The following ADARB1 variants were observed in gnomAD, a reference collection of about 807,000 sequenced individuals.
ADARB1 encodes double-stranded RNA-specific editase 1.
A neutral mutation model predicts 52.4 loss-of-function variants in ADARB1; 10 were observed. The ratio of observed to expected loss-of-function variants is 0.19; its 90% CI spans 0.12 to 0.32. ADARB1 has a LOEUF of 0.32. ADARB1 is among the 10% of genes least tolerant of loss of function. The probability of loss-of-function intolerance (pLI) is 1.00; values close to 1 mark genes in which losing one functional copy is unlikely to be tolerated. For synonymous variants in ADARB1, 349 were observed against 371.1 expected (o/e 0.94, Z 0.68); for missense variants, 643 against 922.3 (o/e 0.70, Z 3.92).
chr21:45,225,107 A>G lies in ADARB1; in HGVS notation c.*2910A>G. The G allele has an allele frequency of 1.0e-6, 1 of 995,234 alleles. No individual in the cohort carries two copies. The highest frequency in any genetic ancestry group is 1.2e-6 in the Non-Finnish European group (1 of 836,986). 61.7% of individuals were successfully genotyped at this position (995,234 alleles called of 1,614,324 possible). On this transcript the variant is annotated 3_prime_UTR_variant, in exon 11 of 11. Coordinates refer to ENST00000348831, the MANE Select transcript of ADARB1 (RefSeq NM_001112.4). The stretch of plus-strand genomic sequence containing the variant: ...TGTTTTGTTTTGTTAACTAAACCTG[A>G]AGTATTAATTCCACAAAGACACTGT...
intron 2 of ADARB1, among the ~76,000 whole-genome samples, chr21:45,166,190 ATTATAT>A (rs1226437776): frequency 6.6e-6 from 1 of 152,214 alleles, no homozygotes; most frequent in Non-Finnish European, 1.5e-5. Context: ...TGATAAGAAC[ATTATAT>A]TTATATATAT....
chr21:45,221,037 A>C lies in ADARB1; in HGVS notation c.1926+23A>C, dbSNP rs377208623. 6.3e-7 allele frequency: 1 copy of C among 1,586,032 alleles called. No individual in the cohort carries two copies. The highest frequency in any genetic ancestry group is 1.3e-5 in the African/African-American group (1 of 74,480). On this transcript the variant is annotated intron_variant, in intron 10 of 10. Transcript: ENST00000348831. The surrounding 1 kb of genome is among the most constrained non-coding windows in gnomAD (Gnocchi z 4.9). ...AAGGTACTGAGGCGCCCTCACCGCA[A>C]TGCGCCGGCTCCACCTCCCCAATAG...
In ADARB1 at chr21:45,223,160, A is replaced by C. The variant is rs2092995018; in HGVS notation, c.*963A>C. On this transcript the variant is annotated 3_prime_UTR_variant, in exon 11 of 11. Coordinates refer to ENST00000348831, the MANE Select transcript of ADARB1 (RefSeq NM_001112.4). ...TCGAATGGATGTGGGTGACCGCCCG[A>C]AGGCCTTCACAGGATGGAAGTAGAA... The C allele has an allele frequency of 1.0e-6, 1 of 985,406 alleles. No homozygotes were observed. Among genetic ancestry groups the C allele is most frequent in the Admixed American group, 6.1e-5 (1 of 16,274 alleles). 61.0% of individuals were successfully genotyped at this position (985,406 alleles called of 1,614,324 possible). A position where few individuals can be genotyped will look rare whatever the true frequency, so the allele number is the denominator to read the frequency against.
At chr21:45,096,135 G>C (rs549172418) in intron 1 of ADARB1, among the ~76,000 whole-genome samples, 1 of 152,332 alleles carries the variant, frequency 6.6e-6, no homozygotes, top group Admixed American at 6.5e-5. Context: ...GAGCATGGCT[G>C]GGGGCAAGCC....
intron 2 of ADARB1, among the ~76,000 whole-genome samples, chr21:45,151,629 CAG>C (rs1311151971): frequency 1.3e-5 from 2 of 152,204 alleles, no homozygotes; most frequent in East Asian, 1.9e-4. Context: ...CAGGCCATCT[CAG>C]GGGAGGTATC....
intron 1 of ADARB1, among the ~76,000 whole-genome samples, chr21:45,106,054 G>A (rs1463539899): frequency 2.6e-5 from 4 of 152,294 alleles, no homozygotes; most frequent in East Asian, 3.9e-4. Context: ...ATGTCATGTC[G>A]TGTTTTAGGA....
At chr21:45,136,608 G>A (rs1479266477) in intron 2 of ADARB1, among the ~76,000 whole-genome samples, 2 of 152,244 alleles carry the variant, frequency 1.3e-5, no homozygotes, top group Non-Finnish European at 2.9e-5. Context: ...GGACAAATGT[G>A]GGGACAGACC....
intron 9 of ADARB1, among the ~76,000 whole-genome samples, chr21:45,209,649 G>A (rs543866949): frequency 2.4e-4 from 37 of 152,238 alleles, no homozygotes; most frequent in African/African-American, 8.9e-4. Flanking sequence ...TTTCTAGAAG[G>A]TACCTCCTTG....
rs1284832978 is a variant in ADARB1 at position 45,175,773 on chromosome 21, C to T, written c.72C>T (p.Asn24=). ...TGAAGGAAAACCGCAATCTGGACAA[C>T]GTGTCCCCCAAGGATGGCAGCACAC... ...TDVKENRNLD[N]VSPKDGSTPG... Residue 24 remains asparagine, a synonymous_variant, in exon 4 of 11, where the codon AAC becomes AAT. Coordinates refer to ENST00000348831, the MANE Select transcript of ADARB1 (RefSeq NM_001112.4). 13 of 1,614,158 alleles carry T rather than the reference C, an allele frequency of 8.1e-6. No individual in the cohort carries two copies. Among genetic ancestry groups the T allele is most frequent in the Non-Finnish European group, 9.3e-6 (11 of 1,180,000 alleles).
intron 8 of ADARB1, among the ~76,000 whole-genome samples, chr21:45,185,968 C>T (rs774859623): frequency 1.3e-5 from 2 of 152,186 alleles, no homozygotes; most frequent in Non-Finnish European, 2.9e-5. Context: ...TGTCAGGCAA[C>T]CTCAAGTACA....
intron 8 of ADARB1, among the ~76,000 whole-genome samples, chr21:45,194,739 T>C (rs757964705): frequency 6.6e-6 from 1 of 152,246 alleles, no homozygotes. Flanking sequence ...TCAAGATTCT[T>C]TGATGCCTTT....
chr21:45,206,558 G>GTTT (rs2092669762), intron 9 of ADARB1, among the ~76,000 whole-genome samples: 2 of 107,948 alleles, frequency 1.9e-5, no homozygotes, highest in African/African-American at 3.7e-5. Flanking sequence ...ATCTTCTCTG[G>GTTT]TCTTTTTTTT....
intron 1 of ADARB1, among the ~76,000 whole-genome samples, chr21:45,091,222 A>T (rs1030260922): frequency 2.6e-5 from 4 of 152,212 alleles, no homozygotes; most frequent in Non-Finnish European, 5.9e-5. Flanking sequence ...CCTAACTCAG[A>T]CATCCACTTG....
chr21:45,206,560 C>CTTTTTTTTTT (rs71199660), intron 9 of ADARB1, among the ~76,000 whole-genome samples: 3 of 54,958 alleles, frequency 5.5e-5, no homozygotes, highest in African/African-American at 7.5e-5. Context: ...CTTCTCTGGT[C>CTTTTTTTTTT]TTTTTTTTTT....
chr21:45,202,252 A>C (rs545808015), intron 8 of ADARB1, among the ~76,000 whole-genome samples: 8 of 152,252 alleles, frequency 5.3e-5, no homozygotes, highest in African/African-American at 1.9e-4. Context: ...GTCAGGTCCT[A>C]TATCTCTTCC....
chr21:45,124,846 G>A (rs1016709146), intron 1 of ADARB1, among the ~76,000 whole-genome samples: 5 of 150,670 alleles, frequency 3.3e-5, no homozygotes, highest in Middle Eastern at 3.5e-3. Flanking sequence ...TGCCTAGGCC[G>A]GAGTGCAGTG....
rs991226512 is a variant in ADARB1 at position 45,184,807 on chromosome 21, T to A, written c.1397-116T>A. ...ATTTTGTATGTATGGCATAAACATA[T>A]GCATTTATATGCACAGACTGTATTT... On this transcript the variant is annotated intron_variant, in intron 7 of 10. Transcript: ENST00000348831. 5.3e-6 allele frequency: 6 copies of A among 1,121,628 alleles called. No homozygotes were observed. In the East Asian group the frequency reaches 1.4e-4, roughly 27 times the overall value. 69.5% of individuals were successfully genotyped at this position (1,121,628 alleles called of 1,614,324 possible).
In ADARB1 at chr21:45,222,219, G is replaced by T. The variant is rs1320195870; in HGVS notation, c.*22G>T. On this transcript the variant is annotated 3_prime_UTR_variant, in exon 11 of 11. Transcript: ENST00000348831. The stretch of plus-strand genomic sequence containing the variant: ...CTGACCCGGGCAGACATGATGGGGG[G>T]TGCAGGGGGCTGTGGGCATCCAGCG... The T allele has an allele frequency of 5.2e-6, 8 of 1,535,596 alleles. No homozygotes were observed. The African/African-American group carries it at 5.5e-5, about 11-fold the overall frequency.
intron 8 of ADARB1, among the ~76,000 whole-genome samples, chr21:45,198,762 A>G (rs1251957911): frequency 6.6e-6 from 1 of 152,232 alleles, no homozygotes; most frequent in African/African-American, 2.4e-5. Context: ...CAAGGACAGT[A>G]AAGGAAAACA....
Sources: allele counts gnomAD v4.1 joint callset (sites outside exome capture counted in the v4.1 genomes callset), GRCh38; gene constraint gnomAD v4.1.1; non-coding constraint Gnocchi (gnomAD v3.1); transcripts MANE v1.5; gene names NCBI Gene and HGNC (gene_info 2026-07-23, HGNC 2026-07-21).